TMPRSS15: variants seen among roughly 807,000 people sequenced by gnomAD.
TMPRSS15 encodes the protein enteropeptidase.
Under a neutral mutation model 125.3 loss-of-function variants are expected in TMPRSS15, and 128 were observed. That is an observed-to-expected ratio of 1.02 (90% confidence interval 0.89 to 1.18). The LOEUF is 1.18. Ranked by LOEUF, TMPRSS15 falls within the 50% of genes most tolerant of loss-of-function variation. The pLI is 0.00. For synonymous variants in TMPRSS15, 446 were observed against 423.2 expected (o/e 1.05, Z -0.66); for missense variants, 1,283 against 1,212.7 (o/e 1.06, Z -0.86).
chr21:18,475,670 A>T (rs1439798305), intron 1 of TMPRSS15, among the ~76,000 whole-genome samples: 3 of 152,220 alleles, frequency 2.0e-5, no homozygotes, highest in African/African-American at 7.2e-5. Flanking sequence ...AGATTTCAAT[A>T]AAAATGCTGA....
chr21:18,461,112 G>T (rs2122952254), intron 1 of TMPRSS15, among the ~76,000 whole-genome samples: 18 of 152,106 alleles, frequency 1.2e-4, no homozygotes, highest in African/African-American at 3.6e-4. Flanking sequence ...CGACCATCAG[G>T]TTTCCTGACA....
At chr21:18,281,394 TAAAG>T (rs1189227113) in intron 21 of TMPRSS15, among the ~76,000 whole-genome samples, 173 bp from the exon 22 acceptor site, 1 of 152,194 alleles carries the variant, frequency 6.6e-6, no homozygotes, top group Non-Finnish European at 1.5e-5. Context: ...GATCACAACA[TAAAG>T]AAAACCCTAA....
chr21:18,332,234 C>T (rs2075353005), intron 13 of TMPRSS15, 61 bp from the exon 14 acceptor site: 1 of 1,413,332 alleles, frequency 7.1e-7, no homozygotes, highest in South Asian at 1.2e-5. Context: ...AGAGATAATA[C>T]CATATGCCAG....
At chr21:18,463,413 T>A (rs1209109700) in intron 1 of TMPRSS15, among the ~76,000 whole-genome samples, 1 of 152,012 alleles carries the variant, frequency 6.6e-6, no homozygotes, top group Non-Finnish European at 1.5e-5. Context: ...CTATCCTAAC[T>A]ATATATACAC....
chr21:18,372,028 T>C (rs1457249765), intron 6 of TMPRSS15, among the ~76,000 whole-genome samples, 165 bp downstream of exon 6: 1 of 151,896 alleles, frequency 6.6e-6, no homozygotes, highest in Non-Finnish European at 1.5e-5. Flanking sequence ...TTTTAAGATT[T>C]TGTATTATAT....
At chr21:18,322,297 T>C (rs2075246744) in intron 16 of TMPRSS15, among the ~76,000 whole-genome samples, 1 of 152,156 alleles carries the variant, frequency 6.6e-6, no homozygotes, top group South Asian at 2.1e-4. Flanking sequence ...TGAAAACCAA[T>C]ATGAGGCTCC....
chr21:18,428,353 C>T (rs771317183), intron 1 of TMPRSS15, among the ~76,000 whole-genome samples: 3 of 152,034 alleles, frequency 2.0e-5, no homozygotes, highest in East Asian at 1.9e-4. Flanking sequence ...ACCCATCTTC[C>T]GAGGAGAAAT....
At chr21:18,448,139 T>C (rs1389660786) in intron 1 of TMPRSS15, among the ~76,000 whole-genome samples, 1 of 152,184 alleles carries the variant, frequency 6.6e-6, no homozygotes, top group African/African-American at 2.4e-5. Context: ...TAAATCAGTA[T>C]GTTGAAGAGG....
chr21:18,283,186 C>G (rs970592965), intron 21 of TMPRSS15, among the ~76,000 whole-genome samples: 1 of 152,118 alleles, frequency 6.6e-6, no homozygotes, highest in South Asian at 2.1e-4. Flanking sequence ...CTACTTTAGC[C>G]TATGTAGGGA....
chr21:18,453,056 C>A (rs957613348), intron 1 of TMPRSS15, among the ~76,000 whole-genome samples: 3 of 152,150 alleles, frequency 2.0e-5, no homozygotes, highest in Non-Finnish European at 4.4e-5. Context: ...ACTCATCTAG[C>A]ACAACTGAAA....
chr21:18,286,717 G>T (rs1356925826), intron 21 of TMPRSS15, among the ~76,000 whole-genome samples: 3 of 152,182 alleles, frequency 2.0e-5, no homozygotes, highest in African/African-American at 7.2e-5. Context: ...TCACACATTA[G>T]CCTGATTGGA....
At chr21:18,394,377 T>A (rs1355802435) in intron 3 of TMPRSS15, among the ~76,000 whole-genome samples, 1 of 152,142 alleles carries the variant, frequency 6.6e-6, no homozygotes, top group Non-Finnish European at 1.5e-5. Context: ...TTCTATCATA[T>A]CACATTTGAA....
chr21:18,400,124 C>T (rs1390823150), intron 1 of TMPRSS15, among the ~76,000 whole-genome samples: 1 of 152,086 alleles, frequency 6.6e-6, no homozygotes, highest in Non-Finnish European at 1.5e-5. Context: ...TTGGAAGAAT[C>T]AATGTTGTTA....
At chr21:18,389,120 A>G (rs1465288807) in intron 3 of TMPRSS15, among the ~76,000 whole-genome samples, 3 of 151,406 alleles carry the variant, frequency 2.0e-5, no homozygotes, top group Non-Finnish European at 4.4e-5. Flanking sequence ...AGAAAGAGAA[A>G]GAAAGAAAGA....
At chr21:18,442,010 G>T (rs2076243332) in intron 1 of TMPRSS15, among the ~76,000 whole-genome samples, 1 of 152,054 alleles carries the variant, frequency 6.6e-6, no homozygotes, top group African/African-American at 2.4e-5. Flanking sequence ...TTATTTTAAA[G>T]AATCTCTGAT....
chr21:18,302,394 G>A (rs900797928), intron 18 of TMPRSS15, among the ~76,000 whole-genome samples: 1 of 152,168 alleles, frequency 6.6e-6, no homozygotes, highest in Non-Finnish European at 1.5e-5. Context: ...GGAAAGTAAA[G>A]GCATGTGGGC....
intron 5 of TMPRSS15, among the ~76,000 whole-genome samples, chr21:18,373,370 A>G (rs925183353): frequency 6.6e-6 from 1 of 152,168 alleles, no homozygotes; most frequent in Non-Finnish European, 1.5e-5. Context: ...GGAACGCCCA[A>G]CATCTAAAAT....
At chr21:18,295,640 G>A (rs965105189) in intron 19 of TMPRSS15, among the ~76,000 whole-genome samples, 2 of 152,152 alleles carry the variant, frequency 1.3e-5, no homozygotes, top group Admixed American at 6.5e-5. Context: ...ATATGTATAC[G>A]TATTGAATGA....
chr21:18,380,696 C>T, intron 4 of TMPRSS15: 1 of 386,586 alleles, frequency 2.6e-6, no homozygotes, highest in Non-Finnish European at 5.5e-6. Context: ...TTTGGAGTTC[C>T]TATTTTATCC....
Sources: gnomAD v4.1 joint callset for allele counts (sites outside exome capture counted in the v4.1 genomes callset) on GRCh38, gnomAD v4.1.1 for gene constraint, MANE v1.5 for transcripts, NCBI Gene and HGNC (gene_info 2026-07-23, HGNC 2026-07-21) for gene names.